Variants in DRD3 observed in about 807,000 individuals in gnomAD.
DRD3 encodes dopamine receptor D3, also known as D(3) dopamine receptor.
A neutral mutation model predicts 36.3 loss-of-function variants in DRD3; 19 were observed. That is an observed-to-expected ratio of 0.52 (90% confidence interval 0.36 to 0.77). The LOEUF (loss-of-function observed/expected upper bound fraction) is 0.77. DRD3 is among the 30% of genes least tolerant of loss of function. The pLI is 0.00. For synonymous variants in DRD3, 195 were observed against 203.7 expected, an observed-to-expected ratio of 0.96 and a Z score of 0.36; for missense variants, 465 against 505.3, an observed-to-expected ratio of 0.92 and a Z score of 0.77.
intron 1 of DRD3, among the ~76,000 whole-genome samples, chr3:114,174,482 G>T (rs2077878786): frequency 6.6e-6 from 1 of 152,240 alleles, no homozygotes; most frequent in African/African-American, 2.4e-5. Flanking sequence ...CTGAATGCCA[G>T]TGGCTAATTA....
chr3:114,150,521 A>G (rs1472470566), intron 3 of DRD3, among the ~76,000 whole-genome samples: 2 of 152,240 alleles, frequency 1.3e-5, no homozygotes, highest in Non-Finnish European at 1.5e-5. Flanking sequence ...AGGTCCTTGT[A>G]CAAAGAAAGT....
chr3:114,197,277 A>AAT (rs1491542620), intron 1 of DRD3, among the ~76,000 whole-genome samples: 4 of 89,362 alleles, frequency 4.5e-5, no homozygotes, highest in Admixed American at 1.5e-4. Context: ...AATTAAAAAA[A>AAT]TTTTTTTTTT....
intron 5 of DRD3, among the ~76,000 whole-genome samples, chr3:114,135,975 G>A (rs1048668281): frequency 1.3e-5 from 2 of 152,198 alleles, no homozygotes; most frequent in Non-Finnish European, 2.9e-5. Context: ...ACAGGCGTGA[G>A]CCACCACACG....
chr3:114,171,188 T>A (rs964062966), intron 2 of DRD3, among the ~76,000 whole-genome samples: 6 of 152,338 alleles, frequency 3.9e-5, no homozygotes, highest in Non-Finnish European at 7.3e-5. Flanking sequence ...TATGGAGAAC[T>A]GGTACCCAGG....
chr3:114,147,863 C>G (rs2077582772), intron 3 of DRD3, among the ~76,000 whole-genome samples: 1 of 152,152 alleles, frequency 6.6e-6, no homozygotes, highest in African/African-American at 2.4e-5. Flanking sequence ...TCAAGCAACT[C>G]TCTGGCTTCA....
intron 4 of DRD3, among the ~76,000 whole-genome samples, chr3:114,142,186 C>T (rs1173726115): frequency 2.0e-5 from 3 of 151,736 alleles, no homozygotes; most frequent in East Asian, 1.9e-4. Flanking sequence ...CGTGGTCTTT[C>T]AGAATCTCTA....
intron 5 of DRD3, 142 bp from the exon 6 acceptor site, chr3:114,131,542 TG>T (rs2077431154): frequency 8.5e-7 from 1 of 1,182,560 alleles, no homozygotes; most frequent in Admixed American, 2.8e-5. Context: ...TCTGAGGGAG[TG>T]GTGGGACCAT....
chr3:114,140,227 C>G (rs547972611), intron 4 of DRD3, among the ~76,000 whole-genome samples: 30 of 152,316 alleles, frequency 2.0e-4, no homozygotes, highest in African/African-American at 7.0e-4. Context: ...GGATGGAGGG[C>G]AGATGGCGGC....
intron 1 of DRD3, among the ~76,000 whole-genome samples, chr3:114,184,103 C>T (rs891155954): frequency 6.6e-6 from 1 of 152,052 alleles, no homozygotes; most frequent in Admixed American, 6.6e-5. Flanking sequence ...TGTTTAATCT[C>T]CTTTCTTATT....
At chr3:114,176,474 A>G (rs1325065441) in intron 1 of DRD3, among the ~76,000 whole-genome samples, 1 of 152,078 alleles carries the variant, frequency 6.6e-6, no homozygotes, top group Non-Finnish European at 1.5e-5. Context: ...GTGTGATGCC[A>G]TGTGCCTGTA....
intron 1 of DRD3, among the ~76,000 whole-genome samples, chr3:114,172,607 T>C (rs1176981566): frequency 6.6e-6 from 1 of 152,166 alleles, no homozygotes; most frequent in Non-Finnish European, 1.5e-5. Flanking sequence ...AGTACCATGC[T>C]TGGACTCTGA....
chr3:114,157,750 A>C (rs1391555471), intron 3 of DRD3, among the ~76,000 whole-genome samples: 1 of 152,214 alleles, frequency 6.6e-6, no homozygotes, highest in African/African-American at 2.4e-5. Context: ...CCAACTGAGA[A>C]GAAAGCTAAA....
intron 1 of DRD3, among the ~76,000 whole-genome samples, chr3:114,187,358 T>G (rs1006483643): frequency 7.9e-5 from 12 of 152,230 alleles, no homozygotes; most frequent in Admixed American, 7.2e-4. Context: ...ATCTTGTTTT[T>G]CAAGATACTC....
At chr3:114,149,352 A>G (rs2077596158) in intron 3 of DRD3, among the ~76,000 whole-genome samples, 1 of 152,090 alleles carries the variant, frequency 6.6e-6, no homozygotes, top group Non-Finnish European at 1.5e-5. Context: ...ATCCATTGCA[A>G]TATCTTCCCC....
intron 5 of DRD3, among the ~76,000 whole-genome samples, chr3:114,139,062 C>A (rs1030062401): frequency 2.0e-5 from 3 of 152,210 alleles, no homozygotes; most frequent in Admixed American, 6.5e-5. Context: ...TTCCTTGACA[C>A]ACGGACAGAT....
intron 5 of DRD3, among the ~76,000 whole-genome samples, chr3:114,139,155 C>T (rs1240087714): frequency 6.6e-6 from 1 of 152,182 alleles, no homozygotes; most frequent in Admixed American, 6.5e-5. Context: ...TGGGAACCCA[C>T]CAGCAGTGCA....
Position 114,171,952 on chromosome 3 carries a change from G to A in DRD3, c.41C>T (p.Thr14Ile), listed in dbSNP as rs144644130. Residue 14 changes from threonine (T) to isoleucine (I), a missense_variant, in exon 2 of 7, where the codon ACC becomes ATC. By Grantham distance (89) the Thr-to-Ile change is moderately conservative. Transcript: ENST00000383673. ...LSQLSGHLNY[T>I]CGAENSTGAS... ...ACCTGTGGAGTTCTCTGCCCCACAG[G>A]TGTAGTTCAGGTGGCCACTCAGCTG... The A allele has an allele frequency of 7.1e-6, 11 of 1,554,268 alleles. No individual in the cohort carries two copies. The highest frequency in any genetic ancestry group is 9.6e-6 in the Non-Finnish European group (11 of 1,148,236).
chr3:114,198,868 G>A (rs948449031), intron 1 of DRD3, among the ~76,000 whole-genome samples: 1 of 152,070 alleles, frequency 6.6e-6, no homozygotes, highest in Admixed American at 6.6e-5. Context: ...CTCTCAAGTA[G>A]CTAGGACTAT....
At position 114,131,364 on chromosome 3, in the gene DRD3, G is replaced by A. The variant is rs149736958; in HGVS notation, c.760C>T (p.Arg254Cys). ...GTGTCCTGGCAGATGCTGTAGTAAC[G>A]CTTCAGCTCCAGATGTGCCGGGTCA... ...SPDPAHLELK[R>C]YYSICQDTAL... The change falls in exon 6 of 7, where the codon CGT becomes TGT. Residue 254 changes from arginine to cysteine, a missense_variant. Physicochemically the swap from Arg to Cys is radical, Grantham distance 180 (BLOSUM62 -3). Transcript: ENST00000383673. The A allele has an allele frequency of 1.5e-5, 24 of 1,614,122 alleles. No individual in the cohort carries two copies. Among genetic ancestry groups the A allele is most frequent in the East Asian group, 4.5e-5 (2 of 44,886 alleles).
Sources: gnomAD v4.1 joint callset for allele counts (sites outside exome capture counted in the v4.1 genomes callset) on GRCh38, gnomAD v4.1.1 for gene constraint, MANE v1.5 for transcripts, NCBI Gene and HGNC (gene_info 2026-07-23, HGNC 2026-07-21) for gene names.